Variants in ACER3 observed in about 807,000 individuals in gnomAD.
The protein encoded by ACER3 is alkaline ceramidase 3, also known as alkCDase 3.
In ACER3, 16 loss-of-function variants were observed where a neutral mutation model predicts 48.9. The ratio of observed to expected loss-of-function variants is 0.33; its 90% CI spans 0.22 to 0.50. The LOEUF is 0.50. ACER3 is among the 20% of genes least tolerant of loss of function. The probability of loss-of-function intolerance (pLI) is 0.98; values close to 1 mark genes in which losing one functional copy is unlikely to be tolerated. For missense variants in ACER3, 227 were observed against 326.0 expected, an observed-to-expected ratio of 0.70 and a Z score of 2.34; for synonymous variants, 109 against 107.8, an observed-to-expected ratio of 1.01 and a Z score of -0.07.
At chr11:76,918,101 A>G (rs1354101959) in intron 1 of ACER3, among the ~76,000 whole-genome samples, 1 of 152,042 alleles carries the variant, frequency 6.6e-6, no homozygotes, top group Non-Finnish European at 1.5e-5. Flanking sequence ...ACACTTATAT[A>G]TACTTTTTCA....
intron 1 of ACER3, among the ~76,000 whole-genome samples, chr11:76,909,092 C>G (rs551856889): frequency 2.0e-5 from 3 of 152,218 alleles, no homozygotes; most frequent in Admixed American, 1.3e-4. Flanking sequence ...AAACTGGACC[C>G]CTTCCTTACA....
intron 1 of ACER3, among the ~76,000 whole-genome samples, chr11:76,880,473 T>A (rs1325104003): frequency 2.0e-5 from 3 of 152,326 alleles, no homozygotes; most frequent in South Asian, 2.1e-4. Flanking sequence ...TAGCATCAGA[T>A]CCCACAGGTT....
rs530190119 is a variant in ACER3 at position 76,945,954 on chromosome 11, C to T, written c.215-13025C>T. 2.6e-5 allele frequency among the ~76,000 whole-genome samples: 4 copies of T among 152,258 alleles called. No homozygotes were observed. In the South Asian group the frequency reaches 6.2e-4, roughly 24 times the overall value. On this transcript the variant is annotated intron_variant, in intron 2 of 10. Transcript: ENST00000532485. ...GAGTCTGTTTTCCCTGTGCCTCCCT[C>T]GGCTGGTTGGTGGTTGCAGCCGAGT...
In ACER3 at chr11:77,023,370, C is replaced by T; in HGVS notation, c.*3043C>T. The T allele has an allele frequency of 2.6e-6, 1 of 384,804 alleles. No homozygotes were observed. The highest frequency in any genetic ancestry group is 4.6e-6 in the Non-Finnish European group (1 of 217,172). 23.8% of individuals were successfully genotyped at this position (384,804 alleles called of 1,614,324 possible). A position where few individuals can be genotyped will look rare whatever the true frequency, so the allele number is the denominator to read the frequency against. ...AATTAAGAGACAAAACCTTCAGGTA[C>T]ATAATGCATGAAAATCTTTAAATGC... On this transcript the variant is annotated 3_prime_UTR_variant, in exon 11 of 11. Transcript: ENST00000532485.
chr11:76,885,903 C>T (rs1289572899), intron 1 of ACER3, among the ~76,000 whole-genome samples: 2 of 152,038 alleles, frequency 1.3e-5, no homozygotes, highest in African/African-American at 2.4e-5. Flanking sequence ...AGCCAGAAAA[C>T]GTGGTTATCA....
chr11:76,908,003 A>T lies in ACER3; in HGVS notation c.104-18554A>T, dbSNP rs980511456. Reference sequence around the variant, plus strand: ...GTAATCCCAGCACCCTGGGAGGCCAAGGCAAGTGGATCACCTGAAGTCAGG... The same window carrying T: ...GTAATCCCAGCACCCTGGGAGGCCATGGCAAGTGGATCACCTGAAGTCAGG... On this transcript the variant is annotated intron_variant, in intron 1 of 10. Coordinates refer to ENST00000532485, the MANE Select transcript of ACER3 (RefSeq NM_018367.7). Among the ~76,000 whole-genome samples, 4 of 152,356 alleles carry T rather than the reference A, an allele frequency of 2.6e-5. No homozygotes were observed. The East Asian group carries it at 7.7e-4, about 29-fold the overall frequency.
chr11:76,957,562 G>C (rs1317467351), intron 2 of ACER3: 1 of 402,452 alleles, frequency 2.5e-6, no homozygotes, highest in African/African-American at 2.1e-5. Context: ...TTCTGCCTCA[G>C]CCTCCCAAGT....
At chr11:76,862,335 A>G (rs1421665218) in intron 1 of ACER3, among the ~76,000 whole-genome samples, 2 of 152,116 alleles carry the variant, frequency 1.3e-5, no homozygotes, top group African/African-American at 4.8e-5. Flanking sequence ...CTTTAGTACT[A>G]TTCTCTTATG....
intron 1 of ACER3, among the ~76,000 whole-genome samples, chr11:76,910,566 A>C (rs1425447334): frequency 6.6e-6 from 1 of 152,192 alleles, no homozygotes; most frequent in African/African-American, 2.4e-5. Context: ...ACAGAGGAGA[A>C]AATTAAGGCG....
intron 3 of ACER3, among the ~76,000 whole-genome samples, chr11:76,969,368 A>G (rs1437431669): frequency 2.0e-5 from 3 of 152,202 alleles, no homozygotes; most frequent in Non-Finnish European, 4.4e-5. Context: ...TAGTTCAACC[A>G]TTGTGGAAGA....
intron 4 of ACER3, among the ~76,000 whole-genome samples, chr11:76,978,969 A>AC (rs2135165518): frequency 6.6e-6 from 1 of 152,290 alleles, no homozygotes; most frequent in African/African-American, 2.4e-5. Context: ...CAGTGGCTAG[A>AC]CCCCAAGCTT....
intron 3 of ACER3, among the ~76,000 whole-genome samples, chr11:76,971,411 G>A (rs547438150): frequency 7.9e-5 from 12 of 152,034 alleles, no homozygotes; most frequent in Admixed American, 3.9e-4. Context: ...GTGGTGGCAC[G>A]CGCCCACAGT....
At chr11:77,005,992 T>TATACGTATA (rs1491403985) in intron 7 of ACER3, among the ~76,000 whole-genome samples, 1 of 70,574 alleles carries the variant, frequency 1.4e-5, no homozygotes, top group African/African-American at 5.5e-5. Context: ...TATATATATA[T>TATACGTATA]TTTTTTTTTT....
intron 6 of ACER3, among the ~76,000 whole-genome samples, chr11:76,996,426 A>ATTT (rs1180603898): frequency 7.2e-5 from 7 of 97,334 alleles, no homozygotes; most frequent in South Asian, 3.3e-4. Flanking sequence ...TATTATTATT[A>ATTT]TTATTTTTTG....
intron 1 of ACER3, among the ~76,000 whole-genome samples, chr11:76,878,868 T>G (rs1039461125): frequency 6.6e-6 from 1 of 152,110 alleles, no homozygotes; most frequent in East Asian, 1.9e-4. Context: ...CTGGAGTGTG[T>G]GTAGTGGTAT....
At chr11:76,959,682 A>G (rs1947935633) in intron 3 of ACER3, among the ~76,000 whole-genome samples, 1 of 151,868 alleles carries the variant, frequency 6.6e-6, no homozygotes, top group African/African-American at 2.4e-5. Flanking sequence ...CCTCCCAAGT[A>G]GCTAGGACTA....
rs549375940 is a variant in ACER3, at chr11:76,882,254, G to A, written c.103+21175G>A. On this transcript the variant is annotated intron_variant, in intron 1 of 10. Transcript: ENST00000532485. ...TCTCCTGACCTCGTAATCTGCCCGC[G>A]TCAACTGCCAAAGTGTTGGGATTAC... Among the ~76,000 whole-genome samples the A allele has an allele frequency of 1.9e-4, 14 of 74,130 alleles. No individual in the cohort carries two copies. The East Asian group carries it at 2.9e-3, about 15-fold the overall frequency. 48.6% of individuals were successfully genotyped at this position (74,130 alleles called of 152,430 possible). A position where few individuals can be genotyped will look rare whatever the true frequency, so the allele number is the denominator to read the frequency against.
At chr11:76,953,972 A>G (rs988545898) in intron 2 of ACER3, among the ~76,000 whole-genome samples, 2 of 136,226 alleles carry the variant, frequency 1.5e-5, no homozygotes, top group Non-Finnish European at 3.1e-5. Flanking sequence ...TTTGAGATGG[A>G]GTTTCACTCT....
At chr11:76,917,120 A>C (rs767479385) in intron 1 of ACER3, among the ~76,000 whole-genome samples, 1 of 152,130 alleles carries the variant, frequency 6.6e-6, no homozygotes, top group African/African-American at 2.4e-5. Context: ...CCCAATGATC[A>C]TTACAAGCTC....
Sources: gnomAD v4.1 joint callset for allele counts (sites outside exome capture counted in the v4.1 genomes callset) on GRCh38, gnomAD v4.1.1 for gene constraint, MANE v1.5 for transcripts, NCBI Gene and HGNC (gene_info 2026-07-23, HGNC 2026-07-21) for gene names.